NCOA2: variants seen among roughly 807,000 people sequenced by gnomAD.
NCOA2 encodes the protein nuclear receptor coactivator 2.
NCOA2 carries 21 observed loss-of-function variants against 145.1 expected under a neutral mutation model. The observed-to-expected ratio is 0.14, with a 90% CI of 0.10 to 0.21. The LOEUF is 0.21. NCOA2 is among the 10% of genes least tolerant of loss of function. NCOA2 has a pLI of 1.00. For missense variants in NCOA2, 1,472 were observed against 1,837.6 expected, an observed-to-expected ratio of 0.80 and a Z score of 3.64; for synonymous variants, 619 against 637.5, an observed-to-expected ratio of 0.97 and a Z score of 0.44.
At chr8:70,138,840 G>C (rs1234321120) in intron 14 of NCOA2, among the ~76,000 whole-genome samples, 1 of 152,252 alleles carries the variant, frequency 6.6e-6, no homozygotes, top group Admixed American at 6.5e-5. Context: ...GAAATCCTCT[G>C]TTTTCGCATT....
intron 2 of NCOA2, among the ~76,000 whole-genome samples, chr8:70,232,289 A>T (rs1047747340): frequency 2.0e-5 from 3 of 152,020 alleles, no homozygotes; most frequent in Non-Finnish European, 2.9e-5. Flanking sequence ...TTTCTGCAAA[A>T]CTTCATTCCC....
chr8:70,166,069 G>A (rs965057172), intron 7 of NCOA2, among the ~76,000 whole-genome samples: 3 of 152,038 alleles, frequency 2.0e-5, no homozygotes, highest in Admixed American at 6.5e-5. Flanking sequence ...TGATCCACCC[G>A]CCTCAGTCTC....
rs1823598695 is a variant in NCOA2 at position 70,255,905 on chromosome 8, A to C, written c.-19-39141T>G. Among the ~76,000 whole-genome samples, 3 of 152,228 alleles carry C rather than the reference A, an allele frequency of 2.0e-5. No homozygotes were observed. The South Asian group carries it at 6.2e-4, about 32-fold the overall frequency. ...AAGATCTACACACAACAGCTTTTCC[A>C]ACAGCAGCTTGCTACATGAATGGAA... On this transcript the variant is annotated intron_variant, in intron 2 of 22. Coordinates refer to ENST00000452400, the MANE Select transcript of NCOA2 (RefSeq NM_006540.4).
intron 9 of NCOA2, 141 bp from the exon 10 acceptor site, chr8:70,159,793 C>T (rs1354850319): frequency 7.5e-6 from 5 of 669,456 alleles, no homozygotes; most frequent in African/African-American, 7.2e-5. Flanking sequence ...ATAAGTAATA[C>T]TTTATGAGAT....
At chr8:70,257,057 G>A (rs893603740) in intron 2 of NCOA2, among the ~76,000 whole-genome samples, 3 of 152,134 alleles carry the variant, frequency 2.0e-5, no homozygotes, top group Admixed American at 6.5e-5. Context: ...CTATGACAGA[G>A]GTACTAGTTT....
intron 2 of NCOA2, among the ~76,000 whole-genome samples, chr8:70,259,828 G>C (rs150151148): frequency 2.1e-3 from 321 of 152,288 alleles, no homozygotes; most frequent in African/African-American, 7.3e-3. Flanking sequence ...TATTAAGAGA[G>C]CTCTCGCACA....
the NCOA2 span, among the ~76,000 whole-genome samples, chr8:70,443,872 A>G: frequency 6.6e-6 from 1 of 152,078 alleles, no homozygotes; most frequent in South Asian, 2.1e-4. Context: ...TTATATTTTT[A>G]TTGCTAAAAG....
intron 1 of NCOA2, among the ~76,000 whole-genome samples, chr8:70,395,327 T>C (rs1813554279): frequency 6.6e-6 from 1 of 152,198 alleles, no homozygotes; most frequent in African/African-American, 2.4e-5. Flanking sequence ...AGGCACACCC[T>C]ATGCTACATC....
At chr8:70,171,260 C>T (rs1026255419) in intron 5 of NCOA2, among the ~76,000 whole-genome samples, 1 of 152,140 alleles carries the variant, frequency 6.6e-6, no homozygotes, top group African/African-American at 2.4e-5. Flanking sequence ...CTTACAAGTA[C>T]CTCCTGGAAG....
At chr8:70,261,966 A>G (rs1283541273) in intron 2 of NCOA2, among the ~76,000 whole-genome samples, 2 of 152,182 alleles carry the variant, frequency 1.3e-5, no homozygotes, top group Non-Finnish European at 2.9e-5. Flanking sequence ...CAACCACTGC[A>G]GATAAATCTA....
At chr8:70,298,853 A>T (rs1326201486) in intron 1 of NCOA2, among the ~76,000 whole-genome samples, 2 of 152,264 alleles carry the variant, frequency 1.3e-5, no homozygotes, top group East Asian at 3.9e-4. Flanking sequence ...TGAAGTCAGG[A>T]GATCAAGACC....
chr8:70,167,118 C>T (rs1813702735), intron 6 of NCOA2, among the ~76,000 whole-genome samples: 1 of 152,156 alleles, frequency 6.6e-6, no homozygotes, highest in African/African-American at 2.4e-5. Context: ...TCTACTTTTG[C>T]GTCTTCCTAA....
At chr8:70,243,426 C>T (rs934817658) in intron 2 of NCOA2, among the ~76,000 whole-genome samples, 7 of 152,004 alleles carry the variant, frequency 4.6e-5, no homozygotes, top group Non-Finnish European at 1.0e-4. Context: ...TGGATTCCAA[C>T]GCCAGTTATA....
At chr8:70,173,247 C>T (rs915031687) in intron 5 of NCOA2, among the ~76,000 whole-genome samples, 4 of 152,158 alleles carry the variant, frequency 2.6e-5, no homozygotes, top group Non-Finnish European at 5.9e-5. Flanking sequence ...GGGCTTGAGT[C>T]CCAGCTCTGT....
intron 4 of NCOA2, among the ~76,000 whole-genome samples, chr8:70,190,924 G>A (rs1238411573): frequency 6.6e-6 from 1 of 152,170 alleles, no homozygotes; most frequent in East Asian, 1.9e-4. Context: ...AGGGGAATGG[G>A]AGTCTAAAAA....
At chr8:70,208,543 G>A (rs1230637068) in intron 4 of NCOA2, among the ~76,000 whole-genome samples, 2 of 152,190 alleles carry the variant, frequency 1.3e-5, no homozygotes, top group African/African-American at 2.4e-5. Context: ...CATAGCTAGA[G>A]GAGAGAAGTC....
intron 1 of NCOA2, among the ~76,000 whole-genome samples, 156 bp from the exon 2 acceptor site, chr8:70,296,956 C>T (rs1411240757): frequency 6.6e-6 from 1 of 152,180 alleles, no homozygotes; most frequent in Non-Finnish European, 1.5e-5. Context: ...CTTATTAAAT[C>T]GCATGGTAAA....
chr8:70,448,272 G>T, the NCOA2 span, among the ~76,000 whole-genome samples: 2 of 152,160 alleles, frequency 1.3e-5, no homozygotes, highest in South Asian at 4.1e-4. Flanking sequence ...TGGATATCTT[G>T]CTTCTGTGAG....
At chr8:70,328,174 C>T (rs1376325759) in intron 1 of NCOA2, among the ~76,000 whole-genome samples, 1 of 152,188 alleles carries the variant, frequency 6.6e-6, no homozygotes, top group African/African-American at 2.4e-5. Context: ...TGGCACTGAA[C>T]TTGGAAAACC....
Sources: allele counts gnomAD v4.1 joint callset (sites outside exome capture counted in the v4.1 genomes callset), GRCh38; gene constraint gnomAD v4.1.1; transcripts MANE v1.5; gene names NCBI Gene and HGNC (gene_info 2026-07-23, HGNC 2026-07-21).